The following DMD variants were observed in gnomAD, a reference collection of about 807,000 sequenced individuals.
DMD encodes mutant dystrophin.
In DMD, 63 loss-of-function variants were observed where a neutral mutation model predicts 330.1. That is an observed-to-expected ratio of 0.19 (90% CI 0.16 to 0.24). The LOEUF is 0.24. Ranked by LOEUF, DMD falls within the 10% of genes least tolerant of loss-of-function variation. DMD has a pLI of 1.00. For synonymous variants in DMD, 1,223 were observed against 959.8 expected, an observed-to-expected ratio of 1.27 and a Z score of -5.07; for missense variants, 3,344 against 2,684.1, an observed-to-expected ratio of 1.25 and a Z score of -5.43.
intron 44 of DMD, among the ~76,000 whole-genome samples, chrX:32,182,245 C>G (rs2096929604): frequency 8.9e-6 from 1 of 112,034 alleles, no homozygotes; most frequent in African/African-American, 3.2e-5. Flanking sequence ...TCTATAACAC[C>G]AAATGAAAAG....
At chrX:32,252,258 C>G (rs758413935) in intron 43 of DMD, among the ~76,000 whole-genome samples, 10 of 110,498 alleles carry the variant, frequency 9.0e-5, no homozygotes, top group Non-Finnish European at 1.9e-4. Context: ...AGTTGCAGGT[C>G]TCTGCTTCAA....
chrX:32,744,189 T>TA (rs969775778), intron 7 of DMD, among the ~76,000 whole-genome samples: 1 of 109,375 alleles, frequency 9.1e-6, no homozygotes, highest in African/African-American at 3.4e-5. Flanking sequence ...TAACCATTCT[T>TA]ACAATTTTTT....
intron 19 of DMD, among the ~76,000 whole-genome samples, chrX:32,498,734 A>G (rs2043748791): frequency 8.9e-6 from 1 of 112,059 alleles, no homozygotes; most frequent in Non-Finnish European, 1.9e-5. Flanking sequence ...GAAAATAAAA[A>G]GTATCTTCCA....
intron 38 of DMD, among the ~76,000 whole-genome samples, chrX:32,346,942 A>C (rs930254060): frequency 8.9e-6 from 1 of 111,965 alleles, no homozygotes; most frequent in African/African-American, 3.2e-5. Context: ...CTCACATTGT[A>C]ATGGTACTCA....
intron 11 of DMD, 39 bp downstream of exon 11, chrX:32,644,093 C>T: frequency 1.8e-6 from 2 of 1,118,427 alleles, no homozygotes; most frequent in East Asian, 3.0e-5. Context: ...GCTTCCAAAA[C>T]TTGTTAGTCT....
chrX:32,352,542 T>C (rs1199268010), intron 37 of DMD, among the ~76,000 whole-genome samples: 1 of 111,129 alleles, frequency 9.0e-6, no homozygotes, highest in Non-Finnish European at 1.9e-5. Context: ...AGTAGCCAAA[T>C]TTCTAAAGCT....
intron 57 of DMD, among the ~76,000 whole-genome samples, chrX:31,492,431 G>T (rs2069394167): frequency 8.9e-6 from 1 of 111,956 alleles, no homozygotes; most frequent in African/African-American, 3.2e-5. Context: ...AGTCAAACAG[G>T]CTACTAAACT....
intron 50 of DMD, among the ~76,000 whole-genome samples, chrX:31,808,158 C>T (rs2092350827): frequency 9.0e-6 from 1 of 111,331 alleles, no homozygotes; most frequent in South Asian, 3.8e-4. Context: ...GAAATGAAAG[C>T]AGGTATTATT....
At chrX:31,367,744 C>A (rs1355349845) in intron 60 of DMD, among the ~76,000 whole-genome samples, 1 of 111,951 alleles carries the variant, frequency 8.9e-6, no homozygotes, top group African/African-American at 3.2e-5. Flanking sequence ...GAATTGTTCA[C>A]ATTTGATGGT....
chrX:31,870,565 C>G lies in DMD; in HGVS notation c.7098+4623G>C, dbSNP rs193080471. Among the ~76,000 whole-genome samples, 8 of 112,258 alleles carry G rather than the reference C, an allele frequency of 7.1e-5. No homozygotes were observed. In the Admixed American group the frequency reaches 7.5e-4, roughly 11 times the overall value. ...TTATTTCAGCAGAATTGAGTTCAATCTGTCTCCTCTATTGCAAAAGTTTTG... is the reference window on the plus strand; with the variant it reads ...TTATTTCAGCAGAATTGAGTTCAATGTGTCTCCTCTATTGCAAAAGTTTTG... On this transcript the variant is annotated intron_variant, in intron 48 of 78. Coordinates refer to ENST00000357033, the MANE Select transcript of DMD (RefSeq NM_004006.3).
At chrX:32,592,393 G>C (rs1015742481) in intron 13 of DMD, among the ~76,000 whole-genome samples, 1 of 111,137 alleles carries the variant, frequency 9.0e-6, no homozygotes, top group Non-Finnish European at 1.9e-5. Flanking sequence ...GCAGGAAGGA[G>C]CTACCTACTT....
chrX:32,499,555 CA>C (rs1401844000), intron 19 of DMD, among the ~76,000 whole-genome samples: 1 of 111,576 alleles, frequency 9.0e-6, no homozygotes, highest in African/African-American at 3.3e-5. Context: ...CCTTTCTATA[CA>C]AAAAGGGCAA....
chrX:33,122,242 CAAACAAA>C (rs1209797906), intron 1 of DMD, among the ~76,000 whole-genome samples: 11 of 111,824 alleles, frequency 9.8e-5, no homozygotes, highest in East Asian at 2.8e-4. Flanking sequence ...AACAAACAAA[CAAACAAA>C]AAACAAAAAA....
chrX:31,275,923 G>A (rs182305235), intron 62 of DMD, among the ~76,000 whole-genome samples: 154 of 112,311 alleles, frequency 1.4e-3, no homozygotes, highest in African/African-American at 4.8e-3. Context: ...TATTTATACT[G>A]TGCATTGTTC....
chrX:32,828,092 T>C (rs2078874499), intron 4 of DMD, among the ~76,000 whole-genome samples: 1 of 111,879 alleles, frequency 8.9e-6, no homozygotes, highest in Non-Finnish European at 1.9e-5. Flanking sequence ...TTCCATGGTG[T>C]ATATGTAGCA....
chrX:32,437,225 C>T (rs988604756), intron 29 of DMD, among the ~76,000 whole-genome samples: 1 of 111,886 alleles, frequency 8.9e-6, no homozygotes, highest in Admixed American at 9.5e-5. Context: ...TCCCCAATTC[C>T]TTATGTTGAT....
intron 1 of DMD, among the ~76,000 whole-genome samples, chrX:33,108,868 G>GGAAAAA (rs2095315156): frequency 4.1e-5 from 1 of 24,230 alleles, no homozygotes; most frequent in Non-Finnish European, 9.3e-5. Context: ...CTCCGTTTCG[G>GGAAAAA]AAAAAAAAAA....
chrX:31,280,703 C>T (rs2052548956), intron 62 of DMD, among the ~76,000 whole-genome samples: 1 of 112,317 alleles, frequency 8.9e-6, no homozygotes, highest in Admixed American at 9.5e-5. Flanking sequence ...AGGTGCATCA[C>T]ACAGGATGTT....
chrX:31,833,291 AGGGAGAGAGG>A (rs1362983509), intron 49 of DMD, among the ~76,000 whole-genome samples: 661 of 32,677 alleles, frequency 0.02, 29 homozygotes, highest in Non-Finnish European at 0.029. Flanking sequence ...AGAGAGAGAG[AGGGAGAGAGG>A]GAGAGAGGGA....
Sources: gnomAD v4.1 joint callset for allele counts (sites outside exome capture counted in the v4.1 genomes callset) on GRCh38, gnomAD v4.1.1 for gene constraint, MANE v1.5 for transcripts, NCBI Gene and HGNC (gene_info 2026-07-23, HGNC 2026-07-21) for gene names.